Variants in UBR3 observed in about 807,000 individuals in gnomAD.
The protein encoded by UBR3 is ubiquitin protein ligase E3 component n-recognin 3, also known as E3 ubiquitin-protein ligase UBR3.
A neutral mutation model predicts 243.2 loss-of-function variants in UBR3; 85 were observed. The observed-to-expected ratio is 0.35, with a 90% confidence interval of 0.29 to 0.42. The LOEUF (loss-of-function observed/expected upper bound fraction) is 0.42. Among genes scored for constraint, UBR3 ranks in the 10% least tolerant of loss-of-function variants. UBR3 has a pLI of 1.00. For missense variants in UBR3, 1,686 were observed against 2,300.8 expected (o/e 0.73, Z 5.47); for synonymous variants, 748 against 799.8 (o/e 0.94, Z 1.09).
At chr2:170,028,512 G>A (rs2090588119) in intron 30 of UBR3, among the ~76,000 whole-genome samples, 1 of 151,526 alleles carries the variant, frequency 6.6e-6, no homozygotes, top group African/African-American at 2.4e-5. Context: ...TGTAAAATAT[G>A]ACTTTTGATT....
intron 8 of UBR3, among the ~76,000 whole-genome samples, chr2:169,902,077 ATGAATGTG>A (rs1381182514): frequency 6.6e-6 from 1 of 152,220 alleles, no homozygotes; most frequent in Non-Finnish European, 1.5e-5. Flanking sequence ...ACATGAGCAC[ATGAATGTG>A]TGTTTTGATT....
intron 5 of UBR3, among the ~76,000 whole-genome samples, chr2:169,879,182 A>G: frequency 6.6e-6 from 1 of 151,892 alleles, no homozygotes; most frequent in Middle Eastern, 3.4e-3. Flanking sequence ...TTTGCTTATA[A>G]TCTTGTTGCT....
chr2:169,878,473 A>G, intron 4 of UBR3, 52 bp from the exon 5 acceptor site: 1 of 1,482,910 alleles, frequency 6.7e-7, no homozygotes. Flanking sequence ...ATTTGAAAAT[A>G]AAGCAATATG....
intron 1 of UBR3, among the ~76,000 whole-genome samples, chr2:169,848,535 G>C (rs915175692): frequency 6.6e-6 from 1 of 151,520 alleles, no homozygotes; most frequent in Non-Finnish European, 1.5e-5. Context: ...AGTTCACTTA[G>C]GGCAGTTACC....
chr2:169,950,000 G>C lies in UBR3; in HGVS notation c.3480G>C (p.Val1160=). Residue 1160 remains valine (V), a synonymous_variant, in exon 23 of 39, where the codon GTG becomes GTC. Transcript: ENST00000272793. The stretch of plus-strand genomic sequence containing the variant: ...TCATTGAAGAGATATGTAGAAAAGT[G>C]ACCCCTCCTGTACCACCTAAAAAAG... ...KRIIEEICRK[V]TPPVPPKKVT... 6.2e-7 allele frequency: 1 copy of C among 1,612,894 alleles called. No homozygotes were observed. The highest frequency in any genetic ancestry group is 8.5e-7 in the Non-Finnish European group (1 of 1,179,482).
chr2:169,950,018 TA>T lies in UBR3; in HGVS notation c.3504del (p.Val1169SerfsTer85). On this transcript the variant is annotated frameshift_variant, in exon 23 of 39. Coordinates refer to ENST00000272793, the MANE Select transcript of UBR3 (RefSeq NM_172070.4). LOFTEE classifies it high-confidence loss of function. ...CRKVTPPVPP[K>X]KVTAAEKKTL... ...GAAAAGTGACCCCTCCTGTACCACCTAAAAAAGTCACTGCAGCAGAGAAGAA... is the reference window on the plus strand; with the variant it reads ...GAAAAGTGACCCCTCCTGTACCACCTAAAAAGTCACTGCAGCAGAGAAGAA... 2 of 1,588,758 alleles carry T rather than the reference TA, an allele frequency of 1.3e-6. No homozygotes were observed. The highest frequency in any genetic ancestry group is 1.7e-6 in the Non-Finnish European group (2 of 1,171,180).
intron 24 of UBR3, among the ~76,000 whole-genome samples, chr2:169,980,553 A>C (rs72874446): frequency 0.042 from 6,304 of 151,756 alleles, 211 homozygotes; most frequent in Non-Finnish European, 0.057. Flanking sequence ...TCGTTCATTT[A>C]TATTAGTATG....
intron 1 of UBR3, among the ~76,000 whole-genome samples, chr2:169,857,073 T>TTTTG (rs1553494639): frequency 7.4e-5 from 9 of 122,008 alleles, no homozygotes; most frequent in Non-Finnish European, 1.4e-4. Flanking sequence ...TGTTTTTTTT[T>TTTTG]TTTTTTTTTT....
At chr2:169,852,571 G>A (rs771894256) in intron 1 of UBR3, among the ~76,000 whole-genome samples, 3 of 151,976 alleles carry the variant, frequency 2.0e-5, no homozygotes, top group Non-Finnish European at 4.4e-5. Context: ...GGCTGGGCAC[G>A]GTGGCTCACG....
In UBR3 at chr2:169,905,104, C is replaced by A; in HGVS notation, c.1466-10C>A. ...TATGAAATTTTTGGGTTGTGTGTGT[C>A]TTTTTTTAGATGAAGAAAATAGTTT... is the stretch of plus-strand genomic sequence containing the variant. On this transcript the variant is annotated splice_polypyrimidine_tract_variant and intron_variant, in intron 8 of 38. Transcript: ENST00000272793. 2 of 1,445,362 alleles carry A rather than the reference C, an allele frequency of 1.4e-6. No homozygotes were observed. The highest frequency in any genetic ancestry group is 1.6e-5 in the South Asian group (1 of 62,230). The allele number at this position is 1,445,362 out of a possible 1,614,324, so 89.5% of individuals were successfully genotyped here.
At chr2:169,954,404 C>T (rs2087177468) in intron 23 of UBR3, among the ~76,000 whole-genome samples, 1 of 151,808 alleles carries the variant, frequency 6.6e-6, no homozygotes, top group Non-Finnish European at 1.5e-5. Context: ...CCATGCCTGG[C>T]TAATTTTTAA....
chr2:169,929,368 AG>A (rs1259395423), intron 18 of UBR3, among the ~76,000 whole-genome samples: 2 of 152,154 alleles, frequency 1.3e-5, no homozygotes, highest in African/African-American at 4.8e-5. Context: ...TGAGGTCAGG[AG>A]TTCGAGACCA....
In UBR3 at chr2:169,865,203, G is replaced by A. The variant is rs79596749; in HGVS notation, c.546-7033G>A. Among the ~76,000 whole-genome samples the A allele has an allele frequency of 4.3e-3, 647 of 152,148 alleles. 4 individuals are homozygous for A. The highest frequency in any genetic ancestry group is 0.014 in the African/African-American group (586 of 41,492). On this transcript the variant is annotated intron_variant, in intron 1 of 38. Transcript: ENST00000272793. ...TTAAAAAAGATTTTTTTAAGAGACA[G>A]GGTCATGCTATATTGCCCAAGCTGG... is the stretch of plus-strand genomic sequence containing the variant.
At chr2:169,996,693 GTTT>G (rs397871702) in intron 26 of UBR3, among the ~76,000 whole-genome samples, 4 of 64,480 alleles carry the variant, frequency 6.2e-5, no homozygotes, top group African/African-American at 1.0e-4. Flanking sequence ...TTGGACTTTT[GTTT>G]TTTTTTTTTT....
At chr2:170,048,467 T>C (rs2105437566) in intron 32 of UBR3, among the ~76,000 whole-genome samples, 1 of 152,312 alleles carries the variant, frequency 6.6e-6, no homozygotes, top group African/African-American at 2.4e-5. Context: ...CTTTCATAAA[T>C]ACTCATGACT....
chr2:169,902,613 C>CT (rs71006053), intron 8 of UBR3, among the ~76,000 whole-genome samples: 56 of 142,606 alleles, frequency 3.9e-4, no homozygotes, highest in African/African-American at 9.5e-4. Flanking sequence ...TCAGGAGAGT[C>CT]TTTTTTTTTT....
At chr2:170,054,571 C>T (rs1443035867) in intron 32 of UBR3, among the ~76,000 whole-genome samples, 2 of 151,790 alleles carry the variant, frequency 1.3e-5, no homozygotes, top group Non-Finnish European at 1.5e-5. Flanking sequence ...CGTGAGCCAC[C>T]GCCCCTGGCC....
chr2:169,915,794 AATTC>A (rs2085439880), intron 11 of UBR3, among the ~76,000 whole-genome samples: 1 of 151,954 alleles, frequency 6.6e-6, no homozygotes, highest in Non-Finnish European at 1.5e-5. Flanking sequence ...TCCAGTTTTC[AATTC>A]ATTCATTTAT....
intron 1 of UBR3, among the ~76,000 whole-genome samples, chr2:169,836,964 C>T (rs1346298998): frequency 3.9e-5 from 6 of 151,904 alleles, no homozygotes; most frequent in East Asian, 1.9e-4. Flanking sequence ...TTGTTGTAAA[C>T]GATTTTAAAT....
Sources: gnomAD v4.1 joint callset for allele counts (sites outside exome capture counted in the v4.1 genomes callset) on GRCh38, gnomAD v4.1.1 for gene constraint, MANE v1.5 for transcripts, NCBI Gene and HGNC (gene_info 2026-07-23, HGNC 2026-07-21) for gene names.